RALYL: variants seen among roughly 807,000 people sequenced by gnomAD.
RALYL encodes the protein RNA-binding Raly-like protein.
In RALYL, 29 loss-of-function variants were observed where a neutral mutation model predicts 35.1. The observed-to-expected ratio is 0.83, with a 90% CI of 0.61 to 1.13. The LOEUF (loss-of-function observed/expected upper bound fraction) is 1.13, where lower values mean the gene tolerates loss of function less well. RALYL is among the 50% of genes most tolerant of loss of function. RALYL has a pLI of 0.00. For synonymous variants in RALYL, 120 were observed against 127.6 expected, an observed-to-expected ratio of 0.94 and a Z score of 0.40; for missense variants, 359 against 360.4, an observed-to-expected ratio of 1.00 and a Z score of 0.03.
chr8:84,274,979 A>G (rs1481811138), intron 1 of RALYL, among the ~76,000 whole-genome samples: 3 of 152,180 alleles, frequency 2.0e-5, no homozygotes, highest in Non-Finnish European at 2.9e-5. Flanking sequence ...AGCTGAGGCC[A>G]GAGAGTCAAG....
chr8:84,730,562 G>A lies in RALYL; in HGVS notation c.257-44017G>A, dbSNP rs771343432. 1.3e-5 allele frequency among the ~76,000 whole-genome samples: 2 copies of A among 152,072 alleles called. 1 individual carries two copies. Among genetic ancestry groups the A allele is most frequent in the South Asian group, 4.1e-4 (2 of 4,820 alleles). ...CAATTAGGCAGGAGAAGGAAATAAA[G>A]GGTATTCAATTAGGAAAAGAGGAAG... On this transcript the variant is annotated intron_variant, in intron 2 of 8. Transcript: ENST00000521268.
At chr8:84,368,865 T>A (rs1461446431) in intron 1 of RALYL, among the ~76,000 whole-genome samples, 1 of 152,128 alleles carries the variant, frequency 6.6e-6, no homozygotes, top group Non-Finnish European at 1.5e-5. Flanking sequence ...AATTAACAGT[T>A]ATACACTGAA....
chr8:84,215,978 A>C (rs1313718088), intron 1 of RALYL, among the ~76,000 whole-genome samples: 2 of 152,164 alleles, frequency 1.3e-5, no homozygotes, highest in Non-Finnish European at 2.9e-5. Context: ...AAAATATAAT[A>C]TTCTCAAAAT....
intron 1 of RALYL, among the ~76,000 whole-genome samples, chr8:84,447,675 A>C (rs1478385614): frequency 6.6e-6 from 1 of 152,068 alleles, no homozygotes; most frequent in Non-Finnish European, 1.5e-5. Context: ...CGTTGCTTCA[A>C]GAAATTTGTG....
At chr8:84,625,099 TA>T (rs1380095607) in intron 2 of RALYL, among the ~76,000 whole-genome samples, 1 of 152,322 alleles carries the variant, frequency 6.6e-6, no homozygotes, top group Non-Finnish European at 1.5e-5. Flanking sequence ...AGTTTACATG[TA>T]AAATTATGTT....
At chr8:84,879,828 G>T (rs1304032640) in intron 7 of RALYL, among the ~76,000 whole-genome samples, 1 of 151,972 alleles carries the variant, frequency 6.6e-6, no homozygotes, top group Non-Finnish European at 1.5e-5. Context: ...TTACTGGAGT[G>T]CTTCCTGTAG....
intron 5 of RALYL, among the ~76,000 whole-genome samples, chr8:84,859,299 G>A (rs571510589): frequency 6.6e-6 from 1 of 152,112 alleles, no homozygotes; most frequent in East Asian, 1.9e-4. Flanking sequence ...AGGATGAGGA[G>A]GGGCGCAAAG....
chr8:84,374,012 T>G (rs1856442931), intron 1 of RALYL, among the ~76,000 whole-genome samples: 1 of 151,974 alleles, frequency 6.6e-6, no homozygotes, highest in Non-Finnish European at 1.5e-5. Flanking sequence ...TGAGCTTGGT[T>G]GTTGTTAGTC....
At chr8:84,650,432 A>C (rs1210629911) in intron 2 of RALYL, among the ~76,000 whole-genome samples, 1 of 152,170 alleles carries the variant, frequency 6.6e-6, no homozygotes, top group African/African-American at 2.4e-5. Flanking sequence ...GACACTTCTC[A>C]AAAGAAGACA....
intron 2 of RALYL, among the ~76,000 whole-genome samples, chr8:84,535,367 T>C (rs1209473484): frequency 6.6e-6 from 1 of 152,034 alleles, no homozygotes; most frequent in African/African-American, 2.4e-5. Context: ...GAGTAAAAAG[T>C]TACTCTCATT....
At chr8:84,201,024 G>C (rs1429846003) in intron 1 of RALYL, among the ~76,000 whole-genome samples, 2 of 152,112 alleles carry the variant, frequency 1.3e-5, no homozygotes, top group Non-Finnish European at 2.9e-5. Context: ...GGAGCTTACA[G>C]TGCAGAAGGA....
At chr8:84,468,370 C>T (rs2052077656) in intron 1 of RALYL, among the ~76,000 whole-genome samples, 1 of 151,586 alleles carries the variant, frequency 6.6e-6, no homozygotes, top group South Asian at 2.1e-4. Context: ...ATTTGCTTGT[C>T]TGTAAAGTAT....
intron 1 of RALYL, among the ~76,000 whole-genome samples, chr8:84,449,124 T>C (rs1196163276): frequency 1.3e-5 from 2 of 150,846 alleles, no homozygotes; most frequent in African/African-American, 4.9e-5. Flanking sequence ...AGTGATCTCC[T>C]CTCAGGACAT....
chr8:84,497,687 G>A (rs1228641646), intron 1 of RALYL, among the ~76,000 whole-genome samples: 16 of 145,770 alleles, frequency 1.1e-4, no homozygotes, highest in African/African-American at 4.1e-4. Flanking sequence ...TATCACCCAG[G>A]CTGGAGTGCA....
chr8:84,727,737 T>C (rs1244678162), intron 2 of RALYL, among the ~76,000 whole-genome samples: 2 of 151,538 alleles, frequency 1.3e-5, no homozygotes, highest in Admixed American at 6.6e-5. Flanking sequence ...GTTTTTTTGT[T>C]CTTGCGATAG....
chr8:84,578,778 C>G (rs112437493), intron 2 of RALYL, among the ~76,000 whole-genome samples: 3 of 152,328 alleles, frequency 2.0e-5, no homozygotes, highest in African/African-American at 7.2e-5. Context: ...AAGTGGTTAG[C>G]TCCTTTGGGC....
rs1481064913 is a variant in RALYL at position 84,589,174 on chromosome 8, A to G, written c.256+59597A>G. 3.3e-5 allele frequency among the ~76,000 whole-genome samples: 5 copies of G among 152,380 alleles called. No homozygotes were observed. In the East Asian group the frequency reaches 9.6e-4, roughly 29 times the overall value. Reference sequence around the variant, plus strand: ...CGGCCTCCCAAAGCGCCGGGATTACAGGTGTGAGCCACCACGCCCGGACTT... The same window carrying G: ...CGGCCTCCCAAAGCGCCGGGATTACGGGTGTGAGCCACCACGCCCGGACTT... On this transcript the variant is annotated intron_variant, in intron 2 of 8. Transcript: ENST00000521268.
At chr8:84,730,000 T>A (rs1350130120) in intron 2 of RALYL, among the ~76,000 whole-genome samples, 1 of 152,092 alleles carries the variant, frequency 6.6e-6, no homozygotes, top group East Asian at 1.9e-4. Context: ...TTCCAATCAA[T>A]AGAAAAAGAG....
Position 84,278,441 on chromosome 8 carries a change from A to G in RALYL, c.-24+94017A>G, listed in dbSNP as rs138574828. ...GGTCTGTGGAGACATTTCCCCCATT[A>G]TCTTGGTGCTTAACATTTGGTTCCT... On this transcript the variant is annotated intron_variant, in intron 1 of 8. Coordinates refer to ENST00000521268, the MANE Select transcript of RALYL (RefSeq NM_173848.7). Among the ~76,000 whole-genome samples the G allele has an allele frequency of 7.8e-3, 1,185 of 152,316 alleles. 20 individuals carry two copies. The highest frequency in any genetic ancestry group is 0.027 in the African/African-American group (1,139 of 41,580).
Sources: gnomAD v4.1 joint callset for allele counts (sites outside exome capture counted in the v4.1 genomes callset) on GRCh38, gnomAD v4.1.1 for gene constraint, MANE v1.5 for transcripts, NCBI Gene and HGNC (gene_info 2026-07-23, HGNC 2026-07-21) for gene names.